The following PPFIA2 variants were observed in gnomAD, a reference collection of about 807,000 sequenced individuals.
PPFIA2 encodes PPFI scaffold protein A2, also known as liprin-alpha-2.
A neutral mutation model predicts 175.5 loss-of-function variants in PPFIA2; 46 were observed. That is an observed-to-expected ratio of 0.26 (90% CI 0.21 to 0.34). The LOEUF is 0.34. PPFIA2 is among the 10% of genes least tolerant of loss of function. PPFIA2 has a pLI of 1.00. For synonymous variants in PPFIA2, 568 were observed against 511.4 expected, an observed-to-expected ratio of 1.11 and a Z score of -1.49; for missense variants, 1,179 against 1,506.1, an observed-to-expected ratio of 0.78 and a Z score of 3.60.
At chr12:81,414,191 G>A (rs768280627) in intron 7 of PPFIA2, among the ~76,000 whole-genome samples, 15 of 151,782 alleles carry the variant, frequency 9.9e-5, no homozygotes, top group Non-Finnish European at 1.8e-4. Context: ...ATATTATGCT[G>A]TAATGCCTTT....
chr12:81,332,871 C>T (rs2140081956), intron 21 of PPFIA2, among the ~76,000 whole-genome samples: 1 of 152,330 alleles, frequency 6.6e-6, no homozygotes, highest in East Asian at 1.9e-4. Context: ...TGGACAACTA[C>T]ATGATCCTCA....
chr12:81,481,016 C>T (rs138936620), intron 4 of PPFIA2, among the ~76,000 whole-genome samples: 1,605 of 152,214 alleles, frequency 0.011, 25 homozygotes, highest in African/African-American at 0.037. Flanking sequence ...AAAAATCTCC[C>T]GAAGCTGATA....
chr12:81,269,592 A>G (rs1332619970), intron 28 of PPFIA2, among the ~76,000 whole-genome samples: 1 of 152,220 alleles, frequency 6.6e-6, no homozygotes, highest in African/African-American at 2.4e-5. Flanking sequence ...GATAGCACAG[A>G]CCCACAGAGG....
intron 21 of PPFIA2, among the ~76,000 whole-genome samples, chr12:81,335,564 T>C (rs1012341223): frequency 6.6e-6 from 1 of 151,966 alleles, no homozygotes; most frequent in African/African-American, 2.4e-5. Context: ...GCCAACATGG[T>C]GAAACCCCAT....
At chr12:81,678,027 A>G (rs1420256311) in intron 3 of PPFIA2, among the ~76,000 whole-genome samples, 1 of 151,860 alleles carries the variant, frequency 6.6e-6, no homozygotes, top group Non-Finnish European at 1.5e-5. Flanking sequence ...TCCCAAATGA[A>G]AAAAACACAA....
intron 4 of PPFIA2, among the ~76,000 whole-genome samples, chr12:81,606,632 T>C (rs2060351991): frequency 6.6e-6 from 1 of 152,152 alleles, no homozygotes; most frequent in Non-Finnish European, 1.5e-5. Context: ...AAAGTATCTG[T>C]TCATTTCCTT....
intron 3 of PPFIA2, among the ~76,000 whole-genome samples, chr12:81,702,623 AG>A (rs2076631212): frequency 6.6e-6 from 1 of 152,136 alleles, no homozygotes; most frequent in African/African-American, 2.4e-5. Flanking sequence ...CAATGACACT[AG>A]GCTCTTTGGG....
At chr12:81,506,566 C>A (rs1290923097) in intron 4 of PPFIA2, among the ~76,000 whole-genome samples, 1 of 152,166 alleles carries the variant, frequency 6.6e-6, no homozygotes, top group African/African-American at 2.4e-5. Context: ...GAATTAAACA[C>A]ATATGTTAAG....
chr12:81,434,429 CCTA>C (rs2048629355), intron 7 of PPFIA2, among the ~76,000 whole-genome samples: 1 of 151,802 alleles, frequency 6.6e-6, no homozygotes, highest in African/African-American at 2.4e-5. Context: ...CAGATAAAAG[CCTA>C]CTGTAATATG....
rs1485864777 is a variant in PPFIA2 at position 81,347,494 on chromosome 12, T to C, written c.2232+39A>G. 4 of 1,515,586 alleles carry C rather than the reference T, an allele frequency of 2.6e-6. 1 individual carries two copies. In the Admixed American group the frequency reaches 5.0e-5, roughly 19 times the overall value. 93.9% of individuals were successfully genotyped at this position (1,515,586 alleles called of 1,614,324 possible). A position where few individuals can be genotyped will look rare whatever the true frequency, so the allele number is the denominator to read the frequency against. ...AGTTTTAGCTAAAGCATCATTAATCTTAACAGGAGGCAAAGGTTCTCTGGA... is the reference window on the plus strand; with the variant it reads ...AGTTTTAGCTAAAGCATCATTAATCCTAACAGGAGGCAAAGGTTCTCTGGA... On this transcript the variant is annotated intron_variant, in intron 18 of 32. Transcript: ENST00000549396.
intron 24 of PPFIA2, among the ~76,000 whole-genome samples, chr12:81,286,216 C>CA (rs562073461): frequency 7.2e-4 from 107 of 149,066 alleles, no homozygotes; most frequent in South Asian, 1.3e-3. Flanking sequence ...CAAAAGTTAA[C>CA]AAAAAAAAAG....
chr12:81,382,985 A>G (rs2038078610), intron 9 of PPFIA2, among the ~76,000 whole-genome samples: 4 of 152,142 alleles, frequency 2.6e-5, no homozygotes, highest in Admixed American at 2.6e-4. Flanking sequence ...TACGGATGAA[A>G]ACCAGAAGAG....
intron 4 of PPFIA2, among the ~76,000 whole-genome samples, chr12:81,562,813 C>T (rs1268934518): frequency 7.9e-6 from 1 of 125,854 alleles, no homozygotes; most frequent in Non-Finnish European, 1.6e-5. Context: ...CGCCACTGCA[C>T]TCCAGCCTGG....
At chr12:81,550,211 T>G (rs1199770774) in intron 4 of PPFIA2, among the ~76,000 whole-genome samples, 1 of 151,878 alleles carries the variant, frequency 6.6e-6, no homozygotes, top group African/African-American at 2.4e-5. Flanking sequence ...CACTAAGTGT[T>G]ATAATAGAGT....
At chr12:81,370,712 T>A (rs2034866167) in intron 11 of PPFIA2, among the ~76,000 whole-genome samples, 1 of 151,864 alleles carries the variant, frequency 6.6e-6, no homozygotes, top group Non-Finnish European at 1.5e-5. Context: ...TTACCACAGG[T>A]GCAGAGTGTT....
chr12:81,501,210 T>C (rs2060561362), intron 4 of PPFIA2, among the ~76,000 whole-genome samples: 1 of 152,226 alleles, frequency 6.6e-6, no homozygotes, highest in Non-Finnish European at 1.5e-5. Context: ...TGAATTGTCC[T>C]CTTTGCTTTA....
intron 4 of PPFIA2, among the ~76,000 whole-genome samples, chr12:81,534,854 C>G (rs2065149774): frequency 2.0e-5 from 3 of 151,678 alleles, no homozygotes; most frequent in Admixed American, 2.0e-4. Flanking sequence ...GCTTGCTCCC[C>G]AGTCAGTGTT....
chr12:81,444,694 T>C (rs901129867), intron 6 of PPFIA2, among the ~76,000 whole-genome samples: 5 of 152,028 alleles, frequency 3.3e-5, no homozygotes, highest in African/African-American at 1.2e-4. Flanking sequence ...TATATAAATA[T>C]TAAATAGAAC....
intron 3 of PPFIA2, among the ~76,000 whole-genome samples, chr12:81,739,152 T>C (rs568916450): frequency 8.6e-5 from 13 of 151,904 alleles, no homozygotes; most frequent in Non-Finnish European, 1.5e-4. Context: ...ACAATAAAAC[T>C]TGTTATTATT....
Sources: allele counts gnomAD v4.1 joint callset (sites outside exome capture counted in the v4.1 genomes callset), GRCh38; gene constraint gnomAD v4.1.1; transcripts MANE v1.5; gene names NCBI Gene and HGNC (gene_info 2026-07-23, HGNC 2026-07-21).